SYN2: variants seen among roughly 807,000 people sequenced by gnomAD.
SYN2 encodes the protein synapsin II.
A neutral mutation model predicts 50.9 loss-of-function variants in SYN2; 19 were observed. That is an observed-to-expected ratio of 0.37 (90% CI 0.26 to 0.55). SYN2 has a LOEUF of 0.55. SYN2 is among the 20% of genes least tolerant of loss of function. SYN2 has a pLI of 0.81. For missense variants in SYN2, 587 were observed against 576.4 expected (o/e 1.02, Z -0.19); for synonymous variants, 255 against 224.9 (o/e 1.13, Z -1.20).
At chr3:12,097,757 G>A (rs1695971861) in intron 1 of SYN2, among the ~76,000 whole-genome samples, 1 of 152,250 alleles carries the variant, frequency 6.6e-6, no homozygotes, top group Non-Finnish European at 1.5e-5. Flanking sequence ...CGCAAGGACA[G>A]AAAACCAAAC....
chr3:12,130,242 G>A (rs1319108697), intron 1 of SYN2, among the ~76,000 whole-genome samples: 1 of 151,166 alleles, frequency 6.6e-6, no homozygotes, highest in Non-Finnish European at 1.5e-5. Context: ...GTGTGCGTGT[G>A]TGTGTGTGTG....
intron 1 of SYN2, among the ~76,000 whole-genome samples, chr3:12,111,235 C>T (rs1696307632): frequency 6.6e-6 from 1 of 152,134 alleles, no homozygotes; most frequent in Admixed American, 6.5e-5. Flanking sequence ...AAGTTCTTTG[C>T]CTGCTGCCAT....
At chr3:12,097,198 T>G (rs1179725246) in intron 1 of SYN2, among the ~76,000 whole-genome samples, 2 of 152,220 alleles carry the variant, frequency 1.3e-5, no homozygotes, top group African/African-American at 2.4e-5. Flanking sequence ...TAAATCATGC[T>G]GCTATAAAGA....
chr3:12,022,602 G>T (rs188453471), intron 1 of SYN2, among the ~76,000 whole-genome samples: 202 of 152,004 alleles, frequency 1.3e-3, no homozygotes, highest in South Asian at 2.5e-3. Flanking sequence ...TAGAGACAGG[G>T]TTTCACCATA....
chr3:12,064,936 T>A (rs563731804), intron 1 of SYN2, among the ~76,000 whole-genome samples: 22 of 152,266 alleles, frequency 1.4e-4, no homozygotes, highest in Middle Eastern at 3.4e-3. Flanking sequence ...TTCATAGCGT[T>A]ATTCATATAG....
chr3:12,047,110 A>T (rs775102035), intron 1 of SYN2, among the ~76,000 whole-genome samples: 1 of 152,136 alleles, frequency 6.6e-6, no homozygotes. Context: ...TGTTCCAATT[A>T]TGTGCCATAA....
At chr3:12,120,750 C>G (rs1464555554) in intron 1 of SYN2, among the ~76,000 whole-genome samples, 1 of 152,172 alleles carries the variant, frequency 6.6e-6, no homozygotes, top group African/African-American at 2.4e-5. Flanking sequence ...TCATTCAGAG[C>G]TCTTTGTGGT....
intron 1 of SYN2, among the ~76,000 whole-genome samples, chr3:12,137,948 A>T (rs1168511636): frequency 6.6e-6 from 1 of 152,226 alleles, no homozygotes; most frequent in African/African-American, 2.4e-5. Context: ...TTTTTAAAAA[A>T]TTTAAGCCTC....
intron 1 of SYN2, among the ~76,000 whole-genome samples, chr3:12,067,656 T>A (rs1009294259): frequency 2.0e-5 from 3 of 152,064 alleles, no homozygotes; most frequent in Non-Finnish European, 4.4e-5. Context: ...GAAAGCTTCC[T>A]TGACACTTTC....
Position 12,166,135 on chromosome 3 carries a change from G to A in SYN2, c.981-1099G>A, listed in dbSNP as rs143179438. Among the ~76,000 whole-genome samples the A allele has an allele frequency of 2.4e-4, 36 of 152,260 alleles. 1 individual carries two copies. The highest frequency in any genetic ancestry group is 3.3e-4 in the Admixed American group (5 of 15,302). On this transcript the variant is annotated intron_variant, in intron 7 of 12. Coordinates refer to ENST00000621198, the MANE Select transcript of SYN2 (RefSeq NM_133625.6). ...GTTCGTTAACTCATGGGGCCACCTC[G>A]TGGTTCTGAAAAATGAGCCATATAT...
intron 10 of SYN2, among the ~76,000 whole-genome samples, chr3:12,173,021 A>G (rs1697972949): frequency 6.6e-6 from 1 of 152,210 alleles, no homozygotes. Context: ...TTAGGACTTA[A>G]AGTTGCTGTC....
chr3:12,102,695 A>T (rs1223219943), intron 1 of SYN2, among the ~76,000 whole-genome samples: 1 of 152,082 alleles, frequency 6.6e-6, no homozygotes, highest in Non-Finnish European at 1.5e-5. Flanking sequence ...ATATTCCTTC[A>T]ATTTATTGTT....
chr3:12,062,177 A>T (rs307596), intron 1 of SYN2, among the ~76,000 whole-genome samples: 97,451 of 151,822 alleles, frequency 0.64, 33,789 homozygotes, highest in South Asian at 0.78. Context: ...GAAACAATAG[A>T]TCTATTTCAA....
At chr3:12,039,003 G>T (rs1270309979) in intron 1 of SYN2, among the ~76,000 whole-genome samples, 1 of 152,114 alleles carries the variant, frequency 6.6e-6, no homozygotes, top group Non-Finnish European at 1.5e-5. Flanking sequence ...TTTGGGGAAA[G>T]CTTTCAGCCT....
chr3:12,131,024 T>C (rs1258854220), intron 1 of SYN2, among the ~76,000 whole-genome samples: 1 of 152,176 alleles, frequency 6.6e-6, no homozygotes, highest in African/African-American at 2.4e-5. Context: ...GTCTGAATTA[T>C]AGAAGGAGTA....
intron 1 of SYN2, among the ~76,000 whole-genome samples, chr3:12,009,054 C>T (rs1425731721): frequency 6.6e-6 from 1 of 152,160 alleles, no homozygotes; most frequent in Admixed American, 6.5e-5. Flanking sequence ...TGAATTTGAA[C>T]TTGAAAGAAC....
At chr3:12,162,572 A>G (rs576261415) in intron 7 of SYN2, among the ~76,000 whole-genome samples, 1 of 152,234 alleles carries the variant, frequency 6.6e-6, no homozygotes, top group Non-Finnish European at 1.5e-5. Context: ...ATATTTTACT[A>G]ATCACAGATT....
intron 10 of SYN2, among the ~76,000 whole-genome samples, chr3:12,172,446 C>T (rs574237676): frequency 6.6e-6 from 1 of 152,260 alleles, no homozygotes; most frequent in African/African-American, 2.4e-5. Flanking sequence ...CTCACAGTTA[C>T]AGTATATTAT....
intron 1 of SYN2, among the ~76,000 whole-genome samples, chr3:12,129,756 TC>T (rs1466315843): frequency 6.6e-6 from 1 of 152,188 alleles, no homozygotes; most frequent in African/African-American, 2.4e-5. Context: ...CTGCTGGGAA[TC>T]AAGAAATAGG....
Sources: allele counts gnomAD v4.1 joint callset (sites outside exome capture counted in the v4.1 genomes callset), GRCh38; gene constraint gnomAD v4.1.1; transcripts MANE v1.5; gene names NCBI Gene and HGNC (gene_info 2026-07-23, HGNC 2026-07-21).